The following NEO1 variants were observed in gnomAD, a reference collection of about 807,000 sequenced individuals.
NEO1 encodes neogenin 1, also known as neogenin.
NEO1 carries 63 observed loss-of-function variants against 159.7 expected under a neutral mutation model. The observed-to-expected ratio is 0.39, with a 90% CI of 0.32 to 0.49. The LOEUF (loss-of-function observed/expected upper bound fraction) is 0.49, where lower values mean the gene tolerates loss of function less well. Ranked by LOEUF, NEO1 falls within the 20% of genes least tolerant of loss-of-function variation. The pLI, the probability that NEO1 is intolerant of heterozygous loss-of-function variation, is 0.85. For missense variants in NEO1, 1,615 were observed against 1,831.0 expected (o/e 0.88, Z 2.15); for synonymous variants, 633 against 662.0 (o/e 0.96, Z 0.67).
chr15:73,065,018 A>G (rs2068145474), intron 1 of NEO1, among the ~76,000 whole-genome samples: 1 of 151,894 alleles, frequency 6.6e-6, no homozygotes, highest in Non-Finnish European at 1.5e-5. Flanking sequence ...CTTGCCAGTT[A>G]TAATTTCTTT....
At chr15:73,167,240 G>A (rs949853861) in intron 5 of NEO1, among the ~76,000 whole-genome samples, 3 of 150,750 alleles carry the variant, frequency 2.0e-5, no homozygotes, top group Non-Finnish European at 4.4e-5. Flanking sequence ...AAACCTGCAC[G>A]TTGTGCACAT....
chr15:73,244,575 A>G (rs2039657282), intron 9 of NEO1, 77 bp downstream of exon 9: 1 of 1,445,196 alleles, frequency 6.9e-7, no homozygotes, highest in African/African-American at 1.4e-5. Flanking sequence ...AGCCTTGCAC[A>G]CCATAGGGGA....
At chr15:73,196,917 G>C (rs183026575) in intron 7 of NEO1, among the ~76,000 whole-genome samples, 2 of 152,134 alleles carry the variant, frequency 1.3e-5, no homozygotes, top group Non-Finnish European at 2.9e-5. Flanking sequence ...TGCGTGGTCA[G>C]TTTTTTTGGT....
chr15:73,216,489 A>C (rs1358828034), intron 7 of NEO1, among the ~76,000 whole-genome samples: 2 of 152,150 alleles, frequency 1.3e-5, no homozygotes, highest in African/African-American at 4.8e-5. Flanking sequence ...CTAGATCTAG[A>C]TCCCTGAGGA....
intron 4 of NEO1, among the ~76,000 whole-genome samples, chr15:73,131,723 C>T (rs2031161066): frequency 6.6e-6 from 1 of 152,178 alleles, no homozygotes; most frequent in Non-Finnish European, 1.5e-5. Context: ...ACCCCCTACC[C>T]ACTTTTAAAA....
chr15:73,269,980 A>C, intron 16 of NEO1, 30 bp from the exon 17 acceptor site: 1 of 1,545,648 alleles, frequency 6.5e-7, no homozygotes, highest in Non-Finnish European at 8.9e-7. Context: ...TTAAAATGCC[A>C]CTTCCCTTTT....
chr15:73,298,346 A>G lies in NEO1; in HGVS notation c.3902-2A>G. 1.2e-6 allele frequency: 2 copies of G among 1,613,840 alleles called. No homozygotes were observed. The highest frequency in any genetic ancestry group is 1.7e-6 in the Non-Finnish European group (2 of 1,179,708). ...GCTAACATTTAGACTTTCCTGCTGT[A>G]GAATCCGTTCGAAATACCCCCAGCA... On this transcript the variant is annotated splice_acceptor_variant, in intron 26 of 28. Coordinates refer to ENST00000261908, the MANE Select transcript of NEO1 (RefSeq NM_002499.4). LOFTEE classifies it high-confidence loss of function.
chr15:73,210,377 C>T (rs2037490568), intron 7 of NEO1, among the ~76,000 whole-genome samples: 1 of 152,124 alleles, frequency 6.6e-6, no homozygotes. Flanking sequence ...TTCAAGAATC[C>T]AGAAGGCAAG....
Position 73,056,662 on chromosome 15 carries a change from G to GC in NEO1, c.130+3864dup, listed in dbSNP as rs374480546. Among the ~76,000 whole-genome samples, 13 of 151,978 alleles carry GC rather than the reference G, an allele frequency of 8.6e-5. 1 individual carries two copies. The highest frequency in any genetic ancestry group is 8.3e-4 in the South Asian group (4 of 4,814). ...ATTTCCTGTGTGCATGTGTGTGTGG[G>GC]CCCCCCCTGCCCTTCCCCTCAAACC... On this transcript the variant is annotated intron_variant, in intron 1 of 28. Transcript: ENST00000261908.
chr15:73,150,267 A>T (rs1159490526), intron 5 of NEO1, among the ~76,000 whole-genome samples: 1 of 152,168 alleles, frequency 6.6e-6, no homozygotes, highest in Non-Finnish European at 1.5e-5. Flanking sequence ...GTATTTTTTT[A>T]AAAGAACTAT....
intron 7 of NEO1, among the ~76,000 whole-genome samples, chr15:73,211,672 G>A (rs538112583): frequency 4.6e-5 from 7 of 152,236 alleles, no homozygotes; most frequent in South Asian, 2.1e-4. Flanking sequence ...CCGAGATCGC[G>A]CCACTGCACT....
chr15:73,147,788 G>A (rs2033033309), intron 5 of NEO1, among the ~76,000 whole-genome samples: 1 of 147,916 alleles, frequency 6.8e-6, no homozygotes, highest in Non-Finnish European at 1.5e-5. Context: ...TTCTTTTATT[G>A]TATATATTCA....
chr15:73,126,877 A>C (rs1435479043), intron 4 of NEO1, among the ~76,000 whole-genome samples: 3 of 152,290 alleles, frequency 2.0e-5, no homozygotes, highest in East Asian at 3.9e-4. Flanking sequence ...GAGTAGCCTG[A>C]GTCTTCTCAC....
intron 5 of NEO1, among the ~76,000 whole-genome samples, chr15:73,147,688 C>T (rs1030880851): frequency 4.6e-5 from 7 of 152,182 alleles, no homozygotes; most frequent in African/African-American, 1.4e-4. Flanking sequence ...GGTTATCTGT[C>T]TTGATCTCAG....
chr15:73,253,256 A>G, intron 11 of NEO1, 144 bp from the exon 12 acceptor site: 1 of 460,616 alleles, frequency 2.2e-6, no homozygotes, highest in Non-Finnish European at 3.8e-6. Flanking sequence ...TGTCAACATG[A>G]GGGCATTGGC....
intron 4 of NEO1, among the ~76,000 whole-genome samples, chr15:73,127,228 C>T (rs1201371806): frequency 8.4e-6 from 1 of 118,854 alleles, no homozygotes; most frequent in Non-Finnish European, 1.7e-5. Flanking sequence ...TAGACGCCGT[C>T]TCAAAAAAAA....
At chr15:73,279,351 GTT>G (rs869029902) in intron 22 of NEO1, among the ~76,000 whole-genome samples, 1 of 119,348 alleles carries the variant, frequency 8.4e-6, no homozygotes, top group Admixed American at 1.0e-4. Context: ...TTTGGTTTTG[GTT>G]TTTTTTTTTT....
rs561400309 is a variant in NEO1, at chr15:73,066,939, T to C, written c.130+14134T>C. 2.6e-4 allele frequency among the ~76,000 whole-genome samples: 40 copies of C among 152,356 alleles called. 1 individual carries two copies. In the South Asian group the frequency reaches 5.0e-3, roughly 19 times the overall value. On this transcript the variant is annotated intron_variant, in intron 1 of 28. Coordinates refer to ENST00000261908, the MANE Select transcript of NEO1 (RefSeq NM_002499.4). ...CTTGGTTCCTCAATTCCTCATTGCC[T>C]TGATTGCCTTTACACAGATATTTTG... is the stretch of plus-strand genomic sequence containing the variant.
At chr15:73,290,422 G>A (rs984035833) in intron 25 of NEO1, among the ~76,000 whole-genome samples, 10 of 151,370 alleles carry the variant, frequency 6.6e-5, no homozygotes, top group African/African-American at 2.4e-4. Flanking sequence ...TTGTAGACAC[G>A]GGGTTTCACC....
Sources: allele counts gnomAD v4.1 joint callset (sites outside exome capture counted in the v4.1 genomes callset), GRCh38; gene constraint gnomAD v4.1.1; transcripts MANE v1.5; gene names NCBI Gene and HGNC (gene_info 2026-07-23, HGNC 2026-07-21).